ZHX2: variants seen among roughly 807,000 people sequenced by gnomAD.
ZHX2 encodes zinc fingers and homeoboxes protein 2.
ZHX2 carries 6 observed loss-of-function variants against 21.9 expected under a neutral mutation model. That is an observed-to-expected ratio of 0.27 (90% CI 0.15 to 0.54). The LOEUF is 0.54. Among genes scored for constraint, ZHX2 ranks in the 20% least tolerant of loss-of-function variants. The pLI is 0.95. For synonymous variants in ZHX2, 434 were observed against 437.1 expected, an observed-to-expected ratio of 0.99 and a Z score of 0.09; for missense variants, 908 against 1,090.7, an observed-to-expected ratio of 0.83 and a Z score of 2.36.
At chr8:122,813,269 G>A (rs1817968454) in intron 1 of ZHX2, among the ~76,000 whole-genome samples, 1 of 151,934 alleles carries the variant, frequency 6.6e-6, no homozygotes, top group Non-Finnish European at 1.5e-5. Context: ...GGAAACTGAA[G>A]CAAGAAAGAT....
intron 1 of ZHX2, among the ~76,000 whole-genome samples, chr8:122,804,246 C>G (rs1395934698): frequency 6.6e-6 from 1 of 152,086 alleles, no homozygotes; most frequent in Admixed American, 6.5e-5. Context: ...GCAGCTGGGA[C>G]CACAGGCGTG....
rs543636733 is a variant in ZHX2 at position 122,819,996 on chromosome 8, C to A, written c.-283+38050C>A. The stretch of plus-strand genomic sequence containing the variant: ...TAGCTAAAGGCGTCCATAAATCCAG[C>A]TTTCAGAGCTCTCAGGGGTTGGCGA... On this transcript the variant is annotated intron_variant, in intron 1 of 3. Coordinates refer to ENST00000314393, the MANE Select transcript of ZHX2 (RefSeq NM_014943.5). Among the ~76,000 whole-genome samples the A allele has an allele frequency of 2.6e-5, 4 of 152,310 alleles. No homozygotes were observed. The East Asian group carries it at 7.7e-4, about 29-fold the overall frequency.
intron 2 of ZHX2, among the ~76,000 whole-genome samples, chr8:122,899,890 C>T (rs191154328): frequency 9.7e-4 from 148 of 152,360 alleles, no homozygotes; most frequent in African/African-American, 3.3e-3. Flanking sequence ...TACTGCTTTC[C>T]TCACTGGCTT....
chr8:122,887,001 A>G (rs1300939281), intron 2 of ZHX2, among the ~76,000 whole-genome samples: 3 of 151,878 alleles, frequency 2.0e-5, no homozygotes, highest in South Asian at 2.1e-4. Context: ...AATTTGAATC[A>G]GATCTAATTG....
intron 2 of ZHX2, among the ~76,000 whole-genome samples, chr8:122,904,605 C>A (rs969407517): frequency 6.6e-6 from 1 of 152,096 alleles, no homozygotes; most frequent in Non-Finnish European, 1.5e-5. Context: ...GAGAAGGCTC[C>A]CCCTCAAGTG....
intron 2 of ZHX2, among the ~76,000 whole-genome samples, chr8:122,904,949 C>T (rs547126186): frequency 5.6e-4 from 85 of 152,164 alleles, no homozygotes; most frequent in South Asian, 4.4e-3. Context: ...AGCAAATAAA[C>T]GACATAACCA....
chr8:122,956,140 C>A (rs79623445), intron 3 of ZHX2, among the ~76,000 whole-genome samples: 8 of 152,122 alleles, frequency 5.3e-5, no homozygotes, highest in Admixed American at 5.2e-4. Context: ...CCACCACGCC[C>A]GACCTCCCAT....
At chr8:122,851,139 G>A (rs1471069447) in intron 1 of ZHX2, among the ~76,000 whole-genome samples, 1 of 152,138 alleles carries the variant, frequency 6.6e-6, no homozygotes, top group Admixed American at 6.5e-5. Context: ...TGCGAGACGG[G>A]GGTCCTGGAA....
chr8:122,825,360 G>A (rs1320840101), intron 1 of ZHX2, among the ~76,000 whole-genome samples: 1 of 152,104 alleles, frequency 6.6e-6, no homozygotes, highest in African/African-American at 2.4e-5. Flanking sequence ...TTATGGCCGG[G>A]GCATGGTCGT....
chr8:122,848,660 C>T (rs2130733672), intron 1 of ZHX2, among the ~76,000 whole-genome samples: 1 of 152,262 alleles, frequency 6.6e-6, no homozygotes, highest in East Asian at 1.9e-4. Flanking sequence ...GATGTTTTGC[C>T]TGGATTCCCA....
chr8:122,905,704 A>G (rs1820330797), intron 2 of ZHX2, among the ~76,000 whole-genome samples: 1 of 152,266 alleles, frequency 6.6e-6, no homozygotes, highest in South Asian at 2.1e-4. Flanking sequence ...TGACTTGGTC[A>G]TGCCCATGAC....
intron 1 of ZHX2, among the ~76,000 whole-genome samples, chr8:122,817,908 A>G (rs1473313986): frequency 6.6e-6 from 1 of 152,198 alleles, no homozygotes; most frequent in Non-Finnish European, 1.5e-5. Context: ...GCTGTCTATT[A>G]TGAGATCCTT....
At chr8:122,852,143 C>T (rs1446197923) in intron 1 of ZHX2, among the ~76,000 whole-genome samples, 1 of 152,130 alleles carries the variant, frequency 6.6e-6, no homozygotes, top group Non-Finnish European at 1.5e-5. Context: ...AGAAATGGGG[C>T]ATACAGGTGC....
chr8:122,954,079 T>G (rs2130300496), intron 3 of ZHX2, 51 bp downstream of exon 3: 1 of 1,479,106 alleles, frequency 6.8e-7, no homozygotes. Flanking sequence ...GCTTGCTTTC[T>G]TTTCGTTGCC....
At chr8:122,808,364 C>T (rs956257261) in intron 1 of ZHX2, among the ~76,000 whole-genome samples, 2 of 152,130 alleles carry the variant, frequency 1.3e-5, no homozygotes, top group South Asian at 2.1e-4. Flanking sequence ...CCTCAGGAAA[C>T]GTACAATCAT....
intron 1 of ZHX2, among the ~76,000 whole-genome samples, chr8:122,817,976 A>G (rs1818069269): frequency 6.6e-6 from 1 of 152,176 alleles, no homozygotes; most frequent in Non-Finnish European, 1.5e-5. Context: ...CTCAGCCCTC[A>G]GTGTTCCCAC....
At chr8:122,859,772 C>A (rs1444918794) in intron 1 of ZHX2, among the ~76,000 whole-genome samples, 1 of 152,054 alleles carries the variant, frequency 6.6e-6, no homozygotes, top group African/African-American at 2.4e-5. Flanking sequence ...TTTGTCTTTC[C>A]CCTTTTTTAT....
At chr8:122,804,928 GT>G (rs1677587223) in intron 1 of ZHX2, among the ~76,000 whole-genome samples, 1 of 152,190 alleles carries the variant, frequency 6.6e-6, no homozygotes, top group Non-Finnish European at 1.5e-5. Flanking sequence ...CGGCCACTCT[GT>G]TGCCTGAATA....
intron 1 of ZHX2, among the ~76,000 whole-genome samples, chr8:122,827,587 A>C (rs576728501): frequency 6.6e-6 from 1 of 152,330 alleles, no homozygotes; most frequent in African/African-American, 2.4e-5. Flanking sequence ...GGTTACCCAG[A>C]TCTGTCTGAC....
Sources: gnomAD v4.1 joint callset for allele counts (sites outside exome capture counted in the v4.1 genomes callset) on GRCh38, gnomAD v4.1.1 for gene constraint, MANE v1.5 for transcripts, NCBI Gene and HGNC (gene_info 2026-07-23, HGNC 2026-07-21) for gene names.